The following SUSD1 variants were observed in gnomAD, a reference collection of about 807,000 sequenced individuals.
SUSD1 encodes the protein sushi domain containing 1.
A neutral mutation model predicts 86.9 loss-of-function variants in SUSD1; 65 were observed. The ratio of observed to expected loss-of-function variants is 0.75; its 90% CI spans 0.61 to 0.92. The LOEUF is 0.92. Ranked by LOEUF, SUSD1 falls within the 40% of genes least tolerant of loss-of-function variation. The probability of loss-of-function intolerance (pLI) is 0.00; values close to 1 mark genes in which losing one functional copy is unlikely to be tolerated. For synonymous variants in SUSD1, 346 were observed against 350.0 expected, an observed-to-expected ratio of 0.99 and a Z score of 0.13; for missense variants, 850 against 929.7, an observed-to-expected ratio of 0.91 and a Z score of 1.11.
intron 14 of SUSD1, among the ~76,000 whole-genome samples, chr9:112,054,160 A>G (rs1191754114): frequency 3.9e-5 from 6 of 152,248 alleles, no homozygotes; most frequent in Middle Eastern, 3.2e-3. Flanking sequence ...ACAGTAAACA[A>G]AACAGTGTGG....
chr9:112,049,115 G>A (rs1330862065), intron 15 of SUSD1, among the ~76,000 whole-genome samples: 2 of 152,166 alleles, frequency 1.3e-5, no homozygotes, highest in African/African-American at 4.8e-5. Context: ...TGAGGAAGGA[G>A]GATTTGCCCG....
In SUSD1 at chr9:112,124,434, T is replaced by C; in HGVS notation, c.709A>G (p.Ile237Val). 1 of 1,613,744 alleles carries C rather than the reference T, an allele frequency of 6.2e-7. No individual in the cohort carries two copies. The highest frequency in any genetic ancestry group is 1.1e-5 in the South Asian group (1 of 91,020). The change falls in exon 6 of 17, where the codon ATC becomes GTC. Residue 237 changes from isoleucine to valine, a missense_variant and splice_region_variant. Physicochemically the swap from Ile to Val is conservative, Grantham distance 29. Coordinates refer to ENST00000374270, the MANE Select transcript of SUSD1 (RefSeq NM_022486.5). ...ATTTCTGGAGGGTTGCCACAGTTGATCTCTGCAATGGGAACCAAGACAGCA... is the reference window on the plus strand; with the variant it reads ...ATTTCTGGAGGGTTGCCACAGTTGACCTCTGCAATGGGAACCAAGACAGCA... Reference protein sequence around the residue: ...WESPKLHCQEINCGNPPEMRH... With the variant: ...WESPKLHCQEVNCGNPPEMRH...
At chr9:112,100,376 T>C (rs973846561) in intron 9 of SUSD1, among the ~76,000 whole-genome samples, 11 of 151,530 alleles carry the variant, frequency 7.3e-5, no homozygotes, top group East Asian at 2.0e-4. Flanking sequence ...TTAGTAGAGA[T>C]GGGGTTTCAC....
chr9:112,073,160 T>C (rs987604039), intron 12 of SUSD1, among the ~76,000 whole-genome samples: 24 of 152,188 alleles, frequency 1.6e-4, no homozygotes, highest in African/African-American at 5.8e-4. Context: ...TCTGATAAAG[T>C]GACAATCTGA....
intron 5 of SUSD1, among the ~76,000 whole-genome samples, chr9:112,137,514 T>C (rs1319997982): frequency 2.6e-5 from 4 of 152,222 alleles, no homozygotes; most frequent in African/African-American, 7.2e-5. Context: ...ATAGGCACTA[T>C]GGCACATTTT....
At chr9:112,061,943 A>T (rs568390689) in intron 13 of SUSD1, among the ~76,000 whole-genome samples, 1 of 152,162 alleles carries the variant, frequency 6.6e-6, no homozygotes, top group East Asian at 1.9e-4. Context: ...CGCCAACCTC[A>T]ATCTTCCTCT....
chr9:112,051,448 T>C (rs979542416), intron 15 of SUSD1, among the ~76,000 whole-genome samples: 6 of 143,300 alleles, frequency 4.2e-5, no homozygotes, highest in Non-Finnish European at 9.1e-5. Flanking sequence ...TTGTTGTTGT[T>C]GAGATGGAGT....
intron 1 of SUSD1, among the ~76,000 whole-genome samples, chr9:112,172,955 A>G (rs1362265281): frequency 2.0e-5 from 3 of 152,220 alleles, no homozygotes; most frequent in Admixed American, 1.3e-4. Flanking sequence ...AGGGGGCTCA[A>G]CCAGGAAGCC....
At position 112,175,268 on chromosome 9, in the gene SUSD1, C is replaced by T; in HGVS notation, c.-33G>A. ...CCGGTCCCTCCCGGCGCGCCCGCGC[C>T]TCCTCCCGGGGCCCTCAGGGTGCAG... On this transcript the variant is annotated 5_prime_UTR_variant, in exon 1 of 17. Transcript: ENST00000374270. This position sits in a 1 kb window ranked among gnomAD's most constrained non-coding sequence, Gnocchi z 4.7. 8.8e-7 allele frequency: 1 copy of T among 1,139,492 alleles called. No homozygotes were observed. Among genetic ancestry groups the T allele is most frequent in the African/African-American group, 1.7e-5 (1 of 60,430 alleles). 70.6% of individuals were successfully genotyped at this position (1,139,492 alleles called of 1,614,324 possible). A position where few individuals can be genotyped will look rare whatever the true frequency, so the allele number is the denominator to read the frequency against.
intron 1 of SUSD1, 140 bp downstream of exon 1, chr9:112,174,993 G>T: frequency 1.8e-6 from 1 of 558,676 alleles, no homozygotes; most frequent in Non-Finnish European, 2.3e-6. Flanking sequence ...CCAACGGCCG[G>T]CGCGGGCCCC....
At chr9:112,120,809 C>T (rs1482457462) in intron 6 of SUSD1, among the ~76,000 whole-genome samples, 4 of 152,168 alleles carry the variant, frequency 2.6e-5, no homozygotes, top group Admixed American at 6.5e-5. Flanking sequence ...GTTTTTCATG[C>T]GGTGACTAAT....
At chr9:112,149,500 T>C in intron 2 of SUSD1, 101 bp from the exon 3 acceptor site, 1 of 1,331,072 alleles carries the variant, frequency 7.5e-7, no homozygotes, top group South Asian at 1.3e-5. Context: ...ACCAACGTTC[T>C]GTGACCACAC....
intron 6 of SUSD1, among the ~76,000 whole-genome samples, chr9:112,121,544 T>C (rs996007838): frequency 6.6e-6 from 1 of 152,218 alleles, no homozygotes; most frequent in African/African-American, 2.4e-5. Flanking sequence ...ATTGAATGAA[T>C]GGACAGATTT....
In SUSD1 at chr9:112,174,999, G is replaced by A. The variant is rs1370517155; in HGVS notation, c.103+134C>T. The A allele has an allele frequency of 4.6e-5, 28 of 611,540 alleles. No individual in the cohort carries two copies. In the East Asian group the frequency reaches 3.1e-3, roughly 67 times the overall value. 37.9% of individuals were successfully genotyped at this position (611,540 alleles called of 1,614,324 possible). On this transcript the variant is annotated intron_variant, in intron 1 of 16. Transcript: ENST00000374270. ...TGCCGATCTCCAACGGCCGGCGCGG[G>A]CCCCACCTGCGCCCCACGCCTCGGC...
intron 2 of SUSD1, among the ~76,000 whole-genome samples, chr9:112,155,273 A>AAGCT (rs1833247516): frequency 1.3e-5 from 2 of 151,906 alleles, no homozygotes; most frequent in South Asian, 4.2e-4. Flanking sequence ...GTCAAAGGGC[A>AAGCT]AGCTAGCACC....
At chr9:112,077,715 G>A (rs932908286) in intron 12 of SUSD1, among the ~76,000 whole-genome samples, 3 of 151,552 alleles carry the variant, frequency 2.0e-5, no homozygotes, top group East Asian at 1.9e-4. Flanking sequence ...ACGTCAGCCA[G>A]GCTGATCTCG....
At chr9:112,112,535 C>T (rs1467566996) in intron 7 of SUSD1, among the ~76,000 whole-genome samples, 1 of 152,076 alleles carries the variant, frequency 6.6e-6, no homozygotes, top group African/African-American at 2.4e-5. Context: ...ACTCAGGAGG[C>T]TGAGGCAGGA....
chr9:112,109,648 A>C (rs1831007555), intron 8 of SUSD1, among the ~76,000 whole-genome samples: 1 of 152,208 alleles, frequency 6.6e-6, no homozygotes, highest in Non-Finnish European at 1.5e-5. Flanking sequence ...GTTTTTCCCA[A>C]GGGAAAGGAA....
intron 1 of SUSD1, chr9:112,174,034 A>G (rs998887274): frequency 1.5e-5 from 2 of 129,652 alleles, no homozygotes; most frequent in African/African-American, 6.8e-5. Context: ...TTTTCTTGTC[A>G]CTCCCTGAGA....
Sources: allele counts gnomAD v4.1 joint callset (sites outside exome capture counted in the v4.1 genomes callset), GRCh38; gene constraint gnomAD v4.1.1; non-coding constraint Gnocchi (gnomAD v3.1); transcripts MANE v1.5; gene names NCBI Gene and HGNC (gene_info 2026-07-23, HGNC 2026-07-21).